The following INTU variants were observed in gnomAD, a reference collection of about 807,000 sequenced individuals.
The protein encoded by INTU is protein inturned.
Under a neutral mutation model 100.5 loss-of-function variants are expected in INTU, and 68 were observed. That is an observed-to-expected ratio of 0.68 (90% CI 0.56 to 0.83). The LOEUF (loss-of-function observed/expected upper bound fraction) is 0.83, where lower values mean the gene tolerates loss of function less well. Ranked by LOEUF, INTU falls within the 40% of genes least tolerant of loss-of-function variation. The probability of loss-of-function intolerance (pLI) is 0.00; values close to 1 mark genes in which losing one functional copy is unlikely to be tolerated. For missense variants in INTU, 1,071 were observed against 1,114.7 expected (o/e 0.96, Z 0.56); for synonymous variants, 357 against 395.7 (o/e 0.90, Z 1.16).
At chr4:127,689,001 G>A (rs1260712162) in intron 8 of INTU, among the ~76,000 whole-genome samples, 1 of 100,960 alleles carries the variant, frequency 9.9e-6, no homozygotes, top group African/African-American at 4.2e-5. Context: ...TTTTGAGACA[G>A]GGTCTTGCTT....
chr4:127,701,739 C>A (rs1044385741), intron 9 of INTU, among the ~76,000 whole-genome samples: 1 of 152,010 alleles, frequency 6.6e-6, no homozygotes, highest in Non-Finnish European at 1.5e-5. Flanking sequence ...TATACAATTC[C>A]CTTTTTGTAT....
rs760492085 is a variant in INTU, at chr4:127,706,678, C to G, written c.1980C>G (p.Phe660Leu). Residue 660 changes from phenylalanine (F) to leucine (L), a missense_variant, in exon 12 of 16, where the codon TTC (phenylalanine) becomes TTG (leucine). Phe to Leu is a conservative substitution (Grantham distance 22). Transcript: ENST00000335251. ...CCTGTTTGTCTTGTGCTGACTGGTT[C>G]CTTACTGGATCACGTGAAAAAACAG... ...PVPCLSCADW[F>L]LTGSREKTDS... 17 of 1,614,050 alleles carry G rather than the reference C, an allele frequency of 1.1e-5. No individual in the cohort carries two copies. In the South Asian group the frequency reaches 1.9e-4, roughly 18 times the overall value.
Position 127,663,340 on chromosome 4 carries a change from T to C in INTU, c.769-41T>C, listed in dbSNP as rs111403080. ...TCATTGTGAAAACTGCAGCTGATTT[T>C]CCCTTGTCGAAAAGTCAACACATTG... On this transcript the variant is annotated intron_variant, in intron 3 of 15. Transcript: ENST00000335251. 2.0e-4 allele frequency: 289 copies of C among 1,473,106 alleles called. 4 individuals are homozygous for C. In the African/African-American group the frequency reaches 3.3e-3, roughly 17 times the overall value. 91.3% of individuals were successfully genotyped at this position (1,473,106 alleles called of 1,614,324 possible). A position where few individuals can be genotyped will look rare whatever the true frequency, so the allele number is the denominator to read the frequency against.
At chr4:127,704,364 A>G (rs1363029425) in intron 10 of INTU, 74 bp downstream of exon 10, 3 of 1,055,426 alleles carry the variant, frequency 2.8e-6, no homozygotes, top group East Asian at 2.4e-5. Context: ...TTTTACAAAC[A>G]TGAAAAATAC....
chr4:127,708,378 C>T (rs1303102946), intron 12 of INTU, among the ~76,000 whole-genome samples, 193 bp from the exon 13 acceptor site: 3 of 152,128 alleles, frequency 2.0e-5, no homozygotes, highest in Non-Finnish European at 4.4e-5. Flanking sequence ...CCATCATGCC[C>T]TCCCAGGACA....
intron 4 of INTU, among the ~76,000 whole-genome samples, chr4:127,668,380 A>T (rs189325486): frequency 6.6e-6 from 1 of 152,082 alleles, no homozygotes; most frequent in African/African-American, 2.4e-5. Context: ...ATTTAAAATA[A>T]AATATGCTCT....
At chr4:127,667,091 A>G (rs1728730558) in intron 4 of INTU, among the ~76,000 whole-genome samples, 1 of 152,200 alleles carries the variant, frequency 6.6e-6, no homozygotes, top group Admixed American at 6.5e-5. Flanking sequence ...AGCATTTGTT[A>G]TATAAAACAT....
At chr4:127,647,203 G>A (rs963636577) in intron 2 of INTU, among the ~76,000 whole-genome samples, 24 of 152,150 alleles carry the variant, frequency 1.6e-4, no homozygotes, top group African/African-American at 4.8e-4. Flanking sequence ...TATTGCTGCC[G>A]TGACAAATTA....
intron 4 of INTU, among the ~76,000 whole-genome samples, chr4:127,664,337 C>G (rs1189986261): frequency 6.6e-6 from 1 of 151,866 alleles, no homozygotes; most frequent in African/African-American, 2.4e-5. Context: ...AATTCTATGC[C>G]CTTTCTTTGA....
intron 2 of INTU, among the ~76,000 whole-genome samples, chr4:127,655,240 A>C (rs1219613055): frequency 6.6e-6 from 1 of 152,222 alleles, no homozygotes; most frequent in East Asian, 1.9e-4. Context: ...GTCATTCTCC[A>C]TCCAGCTTTG....
intron 1 of INTU, among the ~76,000 whole-genome samples, chr4:127,638,193 T>C (rs1202266408): frequency 6.6e-6 from 1 of 152,218 alleles, no homozygotes; most frequent in Non-Finnish European, 1.5e-5. Context: ...ATAGAATCCA[T>C]ATTAATTTGT....
chr4:127,688,003 A>G (rs1729912534), intron 8 of INTU, 136 bp downstream of exon 8: 1 of 536,938 alleles, frequency 1.9e-6, no homozygotes, highest in Non-Finnish European at 3.1e-6. Flanking sequence ...TTGACAAAGT[A>G]GGAGGTCCAG....
At chr4:127,651,160 T>G (rs1387392684) in intron 2 of INTU, among the ~76,000 whole-genome samples, 3 of 151,858 alleles carry the variant, frequency 2.0e-5, no homozygotes, top group Non-Finnish European at 2.9e-5. Context: ...TTCTCCCATT[T>G]TGTAGGTTGC....
rs923399878 is a variant in INTU, at chr4:127,651,870, T to C, written c.683-4766T>C. ...ACATGAGCATGGAATGTTCTTCCAT[T>C]TGTTTGTATCCTCTTTTATTTCCTT... On this transcript the variant is annotated intron_variant, in intron 2 of 15. Coordinates refer to ENST00000335251, the MANE Select transcript of INTU (RefSeq NM_015693.4). 4.0e-5 allele frequency among the ~76,000 whole-genome samples: 6 copies of C among 151,642 alleles called. No homozygotes were observed. In the East Asian group the frequency reaches 9.7e-4, roughly 24 times the overall value.
intron 11 of INTU, among the ~76,000 whole-genome samples, chr4:127,706,015 T>G (rs1730864490): frequency 6.6e-6 from 1 of 152,210 alleles, no homozygotes; most frequent in African/African-American, 2.4e-5. Flanking sequence ...CCTTTTCTTT[T>G]GCATCCATTT....
intron 4 of INTU, among the ~76,000 whole-genome samples, chr4:127,668,597 A>T (rs1728793277): frequency 6.6e-6 from 1 of 151,840 alleles, no homozygotes; most frequent in African/African-American, 2.4e-5. Flanking sequence ...AAAATAATGT[A>T]AAAGTAATTA....
rs191092110 is a variant in INTU at position 127,639,093 on chromosome 4, T to C, written c.147-4428T>C. On this transcript the variant is annotated intron_variant, in intron 1 of 15. Coordinates refer to ENST00000335251, the MANE Select transcript of INTU (RefSeq NM_015693.4). ...CCCTGATGTTAACATCTTACACAAC[T>C]ATTATGCATTTGTCAAAACAAGACA... 2.4e-4 allele frequency among the ~76,000 whole-genome samples: 36 copies of C among 152,304 alleles called. 1 individual carries two copies. The highest frequency in any genetic ancestry group is 7.9e-4 in the African/African-American group (33 of 41,584).
At chr4:127,690,117 C>T (rs1303507516) in intron 8 of INTU, among the ~76,000 whole-genome samples, 2 of 152,168 alleles carry the variant, frequency 1.3e-5, no homozygotes, top group African/African-American at 4.8e-5. Flanking sequence ...TAAATATTAT[C>T]TTCCCTCGAA....
chr4:127,653,831 CTCCCATTAT>C (rs1728033898), intron 2 of INTU, among the ~76,000 whole-genome samples: 2 of 151,716 alleles, frequency 1.3e-5, no homozygotes, highest in African/African-American at 4.9e-5. Flanking sequence ...GTGTTAAAGT[CTCCCATTAT>C]TAATGTGTGG....
Sources: allele counts gnomAD v4.1 joint callset (sites outside exome capture counted in the v4.1 genomes callset), GRCh38; gene constraint gnomAD v4.1.1; transcripts MANE v1.5; gene names NCBI Gene and HGNC (gene_info 2026-07-23, HGNC 2026-07-21).